The following TMEM74 variants were observed in gnomAD, a reference collection of about 807,000 sequenced individuals.
TMEM74 encodes transmembrane protein 74.
In TMEM74, 13 loss-of-function variants were observed where a neutral mutation model predicts 18.1. The ratio of observed to expected loss-of-function variants is 0.72; its 90% CI spans 0.47 to 1.14. The LOEUF (loss-of-function observed/expected upper bound fraction) is 1.14, where lower values mean the gene tolerates loss of function less well. Ranked by LOEUF, TMEM74 falls within the 50% of genes most tolerant of loss-of-function variation. The pLI is 0.00. For synonymous variants in TMEM74, 159 were observed against 146.6 expected, an observed-to-expected ratio of 1.08 and a Z score of -0.61; for missense variants, 372 against 375.9, an observed-to-expected ratio of 0.99 and a Z score of 0.09.
intron 1 of TMEM74, among the ~76,000 whole-genome samples, chr8:108,760,814 A>G (rs1488818123): frequency 6.6e-6 from 1 of 151,888 alleles, no homozygotes; most frequent in Non-Finnish European, 1.5e-5. Flanking sequence ...CCAAGCTTTT[A>G]CTGGTTCAAC....
intron 1 of TMEM74, among the ~76,000 whole-genome samples, chr8:108,769,282 G>T (rs1313187348): frequency 2.0e-5 from 3 of 151,926 alleles, no homozygotes; most frequent in Non-Finnish European, 4.4e-5. Flanking sequence ...AACCAAGATT[G>T]CACTACTGCA....
At chr8:108,668,370 T>A (rs78554330) in intron 1 of TMEM74, among the ~76,000 whole-genome samples, 4,471 of 152,328 alleles carry the variant, frequency 0.029, 122 homozygotes, top group African/African-American at 0.066. Flanking sequence ...AGAAACTATG[T>A]TGTTTATCAG....
chr8:108,618,295 T>C (rs2130540288), intron 2 of TMEM74, among the ~76,000 whole-genome samples: 1 of 152,246 alleles, frequency 6.6e-6, no homozygotes, highest in African/African-American at 2.4e-5. Flanking sequence ...GTTTTGTTGG[T>C]GGGGATTCTG....
chr8:108,757,516 C>A (rs1040328034), intron 1 of TMEM74, among the ~76,000 whole-genome samples: 1 of 151,828 alleles, frequency 6.6e-6, no homozygotes, highest in African/African-American at 2.4e-5. Flanking sequence ...TATTCACAAG[C>A]TTATATAATA....
intron 3 of TMEM74, among the ~76,000 whole-genome samples, chr8:108,608,144 A>G (rs988310741): frequency 6.6e-6 from 1 of 151,984 alleles, no homozygotes; most frequent in Non-Finnish European, 1.5e-5. Flanking sequence ...GCTACTAAAA[A>G]TACAAAAATT....
At chr8:108,742,345 A>G (rs935734695) in intron 1 of TMEM74, among the ~76,000 whole-genome samples, 2 of 152,308 alleles carry the variant, frequency 1.3e-5, no homozygotes, top group Admixed American at 6.5e-5. Flanking sequence ...TGCCTTATGC[A>G]TGTATTACCT....
chr8:108,643,346 C>G (rs1431837735), intron 2 of TMEM74, among the ~76,000 whole-genome samples: 1 of 152,146 alleles, frequency 6.6e-6, no homozygotes, highest in Non-Finnish European at 1.5e-5. Context: ...GAACCATTGA[C>G]TTAGACTAAA....
chr8:108,674,884 C>T (rs1046198007), intron 1 of TMEM74, among the ~76,000 whole-genome samples: 2 of 152,116 alleles, frequency 1.3e-5, no homozygotes, highest in African/African-American at 2.4e-5. Flanking sequence ...ACTGTCAGTG[C>T]CTGACCCATG....
intron 1 of TMEM74, among the ~76,000 whole-genome samples, chr8:108,738,802 T>C (rs985458711): frequency 6.6e-6 from 1 of 152,210 alleles, no homozygotes; most frequent in Non-Finnish European, 1.5e-5. Context: ...GAATGAACAG[T>C]CCAGGACTGG....
At chr8:108,769,408 A>T (rs1405401184) in intron 1 of TMEM74, among the ~76,000 whole-genome samples, 1 of 152,026 alleles carries the variant, frequency 6.6e-6, no homozygotes, top group African/African-American at 2.4e-5. Flanking sequence ...CAGCAAGCGC[A>T]CTTTTCCTTC....
intron 1 of TMEM74, among the ~76,000 whole-genome samples, chr8:108,759,938 T>C (rs1814021892): frequency 6.6e-6 from 1 of 152,014 alleles, no homozygotes; most frequent in Admixed American, 6.6e-5. Context: ...GCTTCCACTA[T>C]GAGTCAGGTG....
chr8:108,633,673 T>TTC (rs1386529306), intron 2 of TMEM74, among the ~76,000 whole-genome samples: 2 of 151,948 alleles, frequency 1.3e-5, no homozygotes, highest in African/African-American at 2.4e-5. Context: ...TCTTACTATG[T>TTC]TCTCTCTCTC....
chr8:108,654,353 T>A (rs1415872044), intron 2 of TMEM74, among the ~76,000 whole-genome samples: 2 of 152,184 alleles, frequency 1.3e-5, no homozygotes, highest in Admixed American at 1.3e-4. Flanking sequence ...AAAATAGAAA[T>A]ACTTTTCATA....
At chr8:108,776,930 C>T (rs547092382), downstream of TMEM74, among the ~76,000 whole-genome samples, 10 of 152,080 alleles carry the variant, frequency 6.6e-5, no homozygotes, top group Admixed American at 3.9e-4. Flanking sequence ...TTTCATCAGC[C>T]GATAATCAAC....
At chr8:108,716,526 A>C (rs1344617970) in intron 1 of TMEM74, among the ~76,000 whole-genome samples, 1 of 152,062 alleles carries the variant, frequency 6.6e-6, no homozygotes, top group Non-Finnish European at 1.5e-5. Flanking sequence ...AGGACTGTAC[A>C]TCAAAGTTAT....
intron 1 of TMEM74, among the ~76,000 whole-genome samples, chr8:108,658,581 CAAGGATTATGAGGAAAA>C (rs928021464): frequency 2.6e-5 from 4 of 152,112 alleles, no homozygotes; most frequent in Admixed American, 6.5e-5. Flanking sequence ...CAGCTGATGA[CAAGGATTATGAGGAAAA>C]AAGATCTCTG....
chr8:108,662,936 T>C (rs941689445), intron 1 of TMEM74, among the ~76,000 whole-genome samples: 2 of 152,156 alleles, frequency 1.3e-5, no homozygotes, highest in African/African-American at 4.8e-5. Context: ...GGGTGTAGCC[T>C]TGTAGTATAG....
At chr8:108,652,543 C>T (rs774053546) in intron 2 of TMEM74, 116 of 541,392 alleles carry the variant, frequency 2.1e-4, no homozygotes, top group Non-Finnish European at 3.9e-4. Context: ...TGCTCATTCT[C>T]AAACAATTTG....
chr8:108,774,592 GC>G (rs1198003052), downstream of TMEM74, among the ~76,000 whole-genome samples: 4 of 152,230 alleles, frequency 2.6e-5, no homozygotes, highest in African/African-American at 9.6e-5. Flanking sequence ...ACGTCACTTT[GC>G]TCACATTCCT....
Sources: gnomAD v4.1 joint callset for allele counts (sites outside exome capture counted in the v4.1 genomes callset) on GRCh38, gnomAD v4.1.1 for gene constraint, MANE v1.5 for transcripts, NCBI Gene and HGNC (gene_info 2026-07-23, HGNC 2026-07-21) for gene names.